MOCOS: variants seen among roughly 807,000 people sequenced by gnomAD.
MOCOS encodes human molybdenum cofactor sulfurase.
A neutral mutation model predicts 83.6 loss-of-function variants in MOCOS; 86 were observed. The observed-to-expected ratio is 1.03, with a 90% CI of 0.86 to 1.23. The LOEUF is 1.23. Ranked by LOEUF, MOCOS falls within the 50% of genes most tolerant of loss-of-function variation. The pLI, the probability that MOCOS is intolerant of heterozygous loss-of-function variation, is 0.00. For missense variants in MOCOS, 1,120 were observed against 1,126.9 expected, an observed-to-expected ratio of 0.99 and a Z score of 0.09; for synonymous variants, 445 against 434.7, an observed-to-expected ratio of 1.02 and a Z score of -0.29.
intron 1 of MOCOS, among the ~76,000 whole-genome samples, chr18:36,192,659 A>G (rs538728883): frequency 6.6e-6 from 1 of 152,266 alleles, no homozygotes; most frequent in Non-Finnish European, 1.5e-5. Flanking sequence ...GTTTTATTTT[A>G]TTTTTTGAGT....
In MOCOS at chr18:36,199,252, T is replaced by A. The variant is rs192132967; in HGVS notation, c.300-431T>A. 5.3e-5 allele frequency among the ~76,000 whole-genome samples: 8 copies of A among 152,322 alleles called. No homozygotes were observed. The East Asian group carries it at 1.5e-3, about 29-fold the overall frequency. On this transcript the variant is annotated intron_variant, in intron 3 of 14. Coordinates refer to ENST00000261326, the MANE Select transcript of MOCOS (RefSeq NM_017947.4). Reference sequence around the variant, plus strand: ...AATAATTTCCAGGTTGTCCTTAAAATTATTAACACAATTTCCAATCACACA... The same window carrying A: ...AATAATTTCCAGGTTGTCCTTAAAAATATTAACACAATTTCCAATCACACA...
At chr18:36,206,079 C>T (rs1002982536) in intron 6 of MOCOS, among the ~76,000 whole-genome samples, 7 of 151,766 alleles carry the variant, frequency 4.6e-5, no homozygotes, top group Non-Finnish European at 5.9e-5. Flanking sequence ...GTTTATTTGG[C>T]TCATGGTTCT....
chr18:36,254,841 T>G (rs112700375), intron 11 of MOCOS, among the ~76,000 whole-genome samples: 9,162 of 152,138 alleles, frequency 0.06, 365 homozygotes, highest in Admixed American at 0.11. Context: ...TTACTGTGAT[T>G]GTAAGAGTTT....
Position 36,268,514 on chromosome 18 carries a change from G to A in MOCOS, c.2515-19G>A. ...AAATAATCTAGCCTTTTTTGTTGTT[G>A]TTGCTGTTTTGTTCACAGGTGAACT... On this transcript the variant is annotated intron_variant, in intron 14 of 14. Coordinates refer to ENST00000261326, the MANE Select transcript of MOCOS (RefSeq NM_017947.4). The A allele has an allele frequency of 6.2e-7, 1 of 1,612,022 alleles. No individual in the cohort carries two copies. Among genetic ancestry groups the A allele is most frequent in the East Asian group, 2.2e-5 (1 of 44,858 alleles).
In MOCOS at chr18:36,203,539, A is replaced by C. The variant is rs538334458; in HGVS notation, c.1018+350A>C. On this transcript the variant is annotated intron_variant, in intron 5 of 14. Coordinates refer to ENST00000261326, the MANE Select transcript of MOCOS (RefSeq NM_017947.4). ...GCTCTTGCCTTTCTGGGTCCTCCCC[A>C]CTGCCCCACGGGGGAGCTCTGCCTA... Among the ~76,000 whole-genome samples the C allele has an allele frequency of 1.0e-3, 153 of 152,246 alleles. 4 individuals are homozygous for C. The highest frequency in any genetic ancestry group is 3.6e-3 in the African/African-American group (149 of 41,538).
intron 7 of MOCOS, among the ~76,000 whole-genome samples, chr18:36,215,186 A>C (rs982962969): frequency 1.3e-5 from 2 of 152,178 alleles, no homozygotes; most frequent in African/African-American, 4.8e-5. Context: ...GGTGCTTCTG[A>C]AACCTTAGTC....
intron 9 of MOCOS, among the ~76,000 whole-genome samples, chr18:36,245,997 A>G (rs2091600870): frequency 6.6e-6 from 1 of 152,048 alleles, no homozygotes; most frequent in African/African-American, 2.4e-5. Flanking sequence ...TCTTTATGAT[A>G]TCTATTTCTC....
At chr18:36,192,531 T>G (rs1258941204) in intron 1 of MOCOS, among the ~76,000 whole-genome samples, 1 of 152,218 alleles carries the variant, frequency 6.6e-6, no homozygotes, top group East Asian at 1.9e-4. Context: ...ATCCCCAAAT[T>G]AATATACAGA....
At chr18:36,233,182 C>G (rs1024426960) in intron 9 of MOCOS, among the ~76,000 whole-genome samples, 26 of 152,118 alleles carry the variant, frequency 1.7e-4, no homozygotes, top group African/African-American at 6.3e-4. Context: ...TCCCCTCCAC[C>G]CTTTTCTGCA....
At chr18:36,221,446 TA>T (rs2091495507) in intron 9 of MOCOS, among the ~76,000 whole-genome samples, 1 of 152,140 alleles carries the variant, frequency 6.6e-6, no homozygotes, top group Non-Finnish European at 1.5e-5. Context: ...GGTGCTGGGT[TA>T]AAAAAAGGTA....
In MOCOS at chr18:36,241,632, G is replaced by T. The variant is rs137871889; in HGVS notation, c.1961-7290G>T. The stretch of plus-strand genomic sequence containing the variant: ...CTCCACTAGGCAGTGCCCCTGTGGG[G>T]ACTCTGTGGAATCTCCAATTTCACA... On this transcript the variant is annotated intron_variant, in intron 9 of 14. Transcript: ENST00000261326. Among the ~76,000 whole-genome samples the T allele has an allele frequency of 3.2e-4, 48 of 152,332 alleles. No homozygotes were observed. The East Asian group carries it at 8.7e-3, about 28-fold the overall frequency.
chr18:36,260,159 G>A lies in MOCOS; in HGVS notation c.2393G>A (p.Gly798Asp), dbSNP rs761541148. Residue 798 changes from glycine (G) to aspartate (D), a missense_variant, in exon 13 of 15, where the codon GGC becomes GAC. Gly to Asp is a moderately conservative substitution (Grantham distance 94, BLOSUM62 -1). Transcript: ENST00000261326. ...GAGAAATGGGATGAGATTTCAATTG[G>A]CTCTTTGCGTTTCCAGGTAAGTTTG... is the stretch of plus-strand genomic sequence containing the variant. ...EEEKWDEISI[G>D]SLRFQVLGPC... 6.2e-7 allele frequency: 1 copy of A among 1,614,114 alleles called. No individual in the cohort carries two copies.
chr18:36,223,164 C>T (rs1337966055), intron 9 of MOCOS, among the ~76,000 whole-genome samples: 6 of 152,054 alleles, frequency 3.9e-5, no homozygotes, highest in Non-Finnish European at 8.8e-5. Context: ...AAGTTATTGC[C>T]AAGACCAATG....
chr18:36,237,548 G>A (rs534155405), intron 9 of MOCOS, among the ~76,000 whole-genome samples: 7 of 152,180 alleles, frequency 4.6e-5, no homozygotes, highest in Admixed American at 3.9e-4. Flanking sequence ...ATTTTATTGA[G>A]GATTTTTGCA....
In MOCOS at chr18:36,265,354, G is replaced by A. The variant is rs527523348; in HGVS notation, c.2410-1395G>A. On this transcript the variant is annotated intron_variant, in intron 13 of 14. Transcript: ENST00000261326. ...ATGCAAGCATGAACTCCCTGCCTTC[G>A]TGCCATCCTGGCTCCAATTTCTTCG... Among the ~76,000 whole-genome samples, 20 of 152,274 alleles carry A rather than the reference G, an allele frequency of 1.3e-4. No homozygotes were observed. The East Asian group carries it at 3.1e-3, about 23-fold the overall frequency.
intron 11 of MOCOS, chr18:36,256,759 A>G: frequency 3.8e-6 from 2 of 527,856 alleles, no homozygotes; most frequent in Non-Finnish European, 6.9e-6. Flanking sequence ...TCTCCACGTT[A>G]TTTTAAACAG....
intron 4 of MOCOS, among the ~76,000 whole-genome samples, chr18:36,202,597 G>A (rs1568050592): frequency 6.6e-6 from 1 of 152,206 alleles, no homozygotes; most frequent in Non-Finnish European, 1.5e-5. Context: ...CTGAAGGGGA[G>A]AGCAATGTTT....
At chr18:36,234,972 C>T (rs2091552373) in intron 9 of MOCOS, among the ~76,000 whole-genome samples, 1 of 152,034 alleles carries the variant, frequency 6.6e-6, no homozygotes, top group African/African-American at 2.4e-5. Flanking sequence ...CAATCACCTC[C>T]CTCCCTTGAT....
intron 13 of MOCOS, among the ~76,000 whole-genome samples, chr18:36,266,337 T>A (rs747270898): frequency 6.6e-6 from 1 of 152,146 alleles, no homozygotes; most frequent in Admixed American, 6.5e-5. Flanking sequence ...GGTTTTGTCA[T>A]GATGTCCAGG....
Sources: allele counts gnomAD v4.1 joint callset (sites outside exome capture counted in the v4.1 genomes callset), GRCh38; gene constraint gnomAD v4.1.1; transcripts MANE v1.5; gene names NCBI Gene and HGNC (gene_info 2026-07-23, HGNC 2026-07-21).